Variants in CCDC192 observed in about 807,000 individuals in gnomAD.
CCDC192 encodes coiled-coil domain containing 192, also known as coiled-coil domain-containing protein 192.
chr5:127,878,067 C>G (rs1215158867), intron 6 of CCDC192, among the ~76,000 whole-genome samples: 1 of 152,192 alleles, frequency 6.6e-6, no homozygotes, highest in Non-Finnish European at 1.5e-5. Flanking sequence ...AAAGTACCAT[C>G]AGGAAACGGT....
intron 5 of CCDC192, among the ~76,000 whole-genome samples, chr5:127,809,070 G>A (rs747280793): frequency 1.3e-5 from 2 of 152,058 alleles, no homozygotes; most frequent in Non-Finnish European, 2.9e-5. Context: ...ATCTCAAGGG[G>A]ATACAGCCTG....
chr5:127,890,062 A>T (rs1246846316), intron 6 of CCDC192, among the ~76,000 whole-genome samples: 1 of 151,988 alleles, frequency 6.6e-6, no homozygotes, highest in Non-Finnish European at 1.5e-5. Context: ...CACCAAATGG[A>T]TCTGGATCTC....
At chr5:127,928,549 T>C (rs1753928376) in intron 6 of CCDC192, among the ~76,000 whole-genome samples, 1 of 152,144 alleles carries the variant, frequency 6.6e-6, no homozygotes, top group Non-Finnish European at 1.5e-5. Flanking sequence ...ATCTGCAAAG[T>C]CTCTTCAGTC....
intron 2 of CCDC192, among the ~76,000 whole-genome samples, chr5:127,726,591 G>A (rs1752336688): frequency 6.6e-6 from 1 of 152,202 alleles, no homozygotes. Context: ...TGCTGGGGAG[G>A]CTGGGTGGTT....
intron 2 of CCDC192, among the ~76,000 whole-genome samples, chr5:127,749,216 T>G (rs1753973137): frequency 6.6e-6 from 1 of 152,174 alleles, no homozygotes; most frequent in South Asian, 2.1e-4. Flanking sequence ...TGCTTCCAGT[T>G]TTTGCCCATT....
intron 5 of CCDC192, among the ~76,000 whole-genome samples, chr5:127,801,433 G>A (rs1757502675): frequency 6.6e-6 from 1 of 152,024 alleles, no homozygotes; most frequent in South Asian, 2.1e-4. Flanking sequence ...CCTGAGTGAA[G>A]TTTCCAAAGC....
chr5:127,872,353 G>C (rs559738826), intron 5 of CCDC192, among the ~76,000 whole-genome samples: 1 of 152,180 alleles, frequency 6.6e-6, no homozygotes, highest in Non-Finnish European at 1.5e-5. Flanking sequence ...GGGACGCACA[G>C]GCTTTGTTAA....
chr5:127,712,779 G>A (rs1022414245), intron 2 of CCDC192, among the ~76,000 whole-genome samples: 5 of 152,214 alleles, frequency 3.3e-5, no homozygotes, highest in Non-Finnish European at 5.9e-5. Context: ...ATACACAAGA[G>A]TGGTGGTAGA....
chr5:127,922,240 C>T (rs1180337814), intron 6 of CCDC192, among the ~76,000 whole-genome samples: 2 of 152,122 alleles, frequency 1.3e-5, no homozygotes, highest in African/African-American at 4.8e-5. Context: ...TTATGATTTG[C>T]TTCATTTTAA....
intron 2 of CCDC192, among the ~76,000 whole-genome samples, chr5:127,733,384 C>T (rs545856239): frequency 6.6e-6 from 1 of 152,262 alleles, no homozygotes; most frequent in African/African-American, 2.4e-5. Context: ...ATTTCATCAT[C>T]ACAGCAAACC....
chr5:127,854,847 G>T (rs1750992767), intron 5 of CCDC192, among the ~76,000 whole-genome samples: 1 of 151,950 alleles, frequency 6.6e-6, no homozygotes, highest in Non-Finnish European at 1.5e-5. Flanking sequence ...AAGCTTTATG[G>T]CTTTATGACT....
intron 2 of CCDC192, among the ~76,000 whole-genome samples, chr5:127,737,030 A>G (rs1753051652): frequency 6.6e-6 from 1 of 150,586 alleles, no homozygotes; most frequent in Non-Finnish European, 1.5e-5. Context: ...TTAGGGTGTC[A>G]ATTTTGGATC....
At chr5:127,750,782 A>G (rs1257376585) in intron 2 of CCDC192, among the ~76,000 whole-genome samples, 1 of 149,776 alleles carries the variant, frequency 6.7e-6, no homozygotes, top group Non-Finnish European at 1.5e-5. Context: ...GACTTGCTTT[A>G]TGAATCTGGG....
At chr5:127,920,234 C>T (rs1228492139) in intron 6 of CCDC192, among the ~76,000 whole-genome samples, 2 of 152,048 alleles carry the variant, frequency 1.3e-5, no homozygotes, top group South Asian at 2.1e-4. Flanking sequence ...TTTGTGCTCA[C>T]ACACAAATAC....
chr5:127,706,202 A>G (rs754091103), intron 1 of CCDC192, among the ~76,000 whole-genome samples: 3 of 152,202 alleles, frequency 2.0e-5, no homozygotes, highest in Non-Finnish European at 4.4e-5. Context: ...ATAGTGGGAT[A>G]GAAAATAATA....
chr5:127,784,438 A>G (rs1169397060), intron 3 of CCDC192, among the ~76,000 whole-genome samples: 2 of 152,244 alleles, frequency 1.3e-5, no homozygotes, highest in African/African-American at 2.4e-5. Flanking sequence ...CATGAAATGT[A>G]TCTATCCTGA....
At chr5:127,708,209 A>T (rs1303037840) in intron 2 of CCDC192, among the ~76,000 whole-genome samples, 7 of 152,078 alleles carry the variant, frequency 4.6e-5, no homozygotes, top group African/African-American at 1.7e-4. Context: ...AGATACATCT[A>T]GTTTTATTCT....
intron 5 of CCDC192, among the ~76,000 whole-genome samples, chr5:127,820,903 T>C (rs1179025642): frequency 1.3e-5 from 2 of 152,236 alleles, no homozygotes; most frequent in African/African-American, 4.8e-5. Flanking sequence ...TATATTTTAA[T>C]ATAAAAATGT....
At chr5:127,858,730 A>G (rs1215262338) in intron 5 of CCDC192, among the ~76,000 whole-genome samples, 2 of 152,238 alleles carry the variant, frequency 1.3e-5, no homozygotes, top group Admixed American at 1.3e-4. Context: ...GAACAAAGAG[A>G]AGCAAGGCCC....
Sources: allele counts gnomAD v4.1 joint callset (sites outside exome capture counted in the v4.1 genomes callset), GRCh38; gene constraint gnomAD v4.1.1; transcripts MANE v1.5; gene names NCBI Gene and HGNC (gene_info 2026-07-23, HGNC 2026-07-21).